SECISBP2L: variants seen among roughly 807,000 people sequenced by gnomAD.
SECISBP2L encodes selenocysteine insertion sequence-binding protein 2-like.
A neutral mutation model predicts 114.7 loss-of-function variants in SECISBP2L; 43 were observed. The observed-to-expected ratio is 0.38, with a 90% confidence interval of 0.29 to 0.48. SECISBP2L has a LOEUF of 0.48. SECISBP2L is among the 20% of genes least tolerant of loss of function. SECISBP2L has a pLI of 0.98. For synonymous variants in SECISBP2L, 451 were observed against 439.7 expected (o/e 1.03, Z -0.32); for missense variants, 1,136 against 1,301.1 (o/e 0.87, Z 1.95).
chr15:48,999,147 A>C (rs1487176084), intron 16 of SECISBP2L, among the ~76,000 whole-genome samples: 2 of 152,178 alleles, frequency 1.3e-5, no homozygotes, highest in Admixed American at 1.3e-4. Context: ...TGGACAGGGG[A>C]ATGTAGGATA....
chr15:49,024,782 TCAAA>T (rs1902708068), intron 7 of SECISBP2L, among the ~76,000 whole-genome samples: 1 of 152,060 alleles, frequency 6.6e-6, no homozygotes. Context: ...ATCTCAAAAA[TCAAA>T]CAAATCAAAA....
chr15:48,997,467 G>A (rs1595781368), intron 16 of SECISBP2L, among the ~76,000 whole-genome samples: 1 of 152,174 alleles, frequency 6.6e-6, no homozygotes, highest in East Asian at 1.9e-4. Context: ...ATAGAGCTTG[G>A]AAGTAGAATA....
intron 4 of SECISBP2L, 127 bp downstream of exon 4, chr15:49,032,838 A>G: frequency 8.1e-7 from 1 of 1,232,734 alleles, no homozygotes; most frequent in East Asian, 2.4e-5. Context: ...AGAATTTCAC[A>G]AAGTGGCAGG....
In SECISBP2L at chr15:49,017,564, T is replaced by C. The variant is rs1172811296; in HGVS notation, c.1235A>G (p.Lys412Arg). Residue 412 changes from lysine (K) to arginine (R), a missense_variant, in exon 9 of 18, where the codon AAA becomes AGA. Transcript: ENST00000559471. The stretch of plus-strand genomic sequence containing the variant: ...GTTACTTACTACTTTAGAAGAAAGT[T>C]TTTGTTGAATATTCTCATCCTTAGC... The part of the protein sequence containing the change: ...GNAKDENIQQ[K>R]LSSKVLDDLP... 6.2e-7 allele frequency: 1 copy of C among 1,603,784 alleles called. No homozygotes were observed. Among genetic ancestry groups the C allele is most frequent in the Admixed American group, 1.7e-5 (1 of 58,870 alleles).
chr15:49,017,659 G>T, intron 8 of SECISBP2L, 31 bp from the exon 9 acceptor site: 1 of 1,510,106 alleles, frequency 6.6e-7, no homozygotes, highest in Non-Finnish European at 9.1e-7. Flanking sequence ...AGTAAAAAGA[G>T]TTCAAGGCAA....
In SECISBP2L at chr15:49,011,718, G is replaced by A. The variant is rs779645067; in HGVS notation, c.1864+13C>T. On this transcript the variant is annotated intron_variant, in intron 13 of 17. Coordinates refer to ENST00000559471, the MANE Select transcript of SECISBP2L (RefSeq NM_001193489.2). Reference sequence around the variant, plus strand: ...CCATTCCATGAGAAGAGGAGAAAGGGGGAGCTCCTTACCTTCCTGGGAAAC... The same window carrying A: ...CCATTCCATGAGAAGAGGAGAAAGGAGGAGCTCCTTACCTTCCTGGGAAAC... The A allele has an allele frequency of 6.2e-7, 1 of 1,613,336 alleles. No homozygotes were observed. The highest frequency in any genetic ancestry group is 1.3e-5 in the African/African-American group (1 of 74,880).
intron 14 of SECISBP2L, among the ~76,000 whole-genome samples, chr15:49,006,392 C>A (rs558924846): frequency 1.3e-5 from 2 of 152,182 alleles, no homozygotes; most frequent in African/African-American, 4.8e-5. Context: ...ACCAATCTAA[C>A]GTAGGTTTGG....
chr15:49,024,632 A>C (rs1005248952), intron 7 of SECISBP2L, among the ~76,000 whole-genome samples: 12 of 152,162 alleles, frequency 7.9e-5, no homozygotes, highest in Non-Finnish European at 1.6e-4. Flanking sequence ...TCTCAGATAA[A>C]AATGCCCTGA....
rs756854560 is a variant in SECISBP2L, at chr15:49,012,616, T to TA, written c.1731+31dup. 3 of 1,602,526 alleles carry TA rather than the reference T, an allele frequency of 1.9e-6. No individual in the cohort carries two copies. In the African/African-American group the frequency reaches 4.1e-5, roughly 22 times the overall value. On this transcript the variant is annotated intron_variant, in intron 12 of 17. Transcript: ENST00000559471. The stretch of plus-strand genomic sequence containing the variant: ...CAGATTAAAATCCTTATTCATCCTA[T>TA]AAAATAAATATCCCACCAGATTTTG...
rs768300807 is a variant in SECISBP2L at position 49,016,664 on chromosome 15, G to A, written c.1457C>T (p.Thr486Ile). ...GTCCCCTAAATCTAGCTGCACAGGT[G>A]TTTTATTCTTTTTTCCAGCTGCTTT... ...LSKAAGKKNK[T>I]PVQLDLGDML... Residue 486 changes from threonine to isoleucine, a missense_variant, in exon 11 of 18, where the codon ACA (threonine) becomes ATA (isoleucine). By Grantham distance (89) the Thr-to-Ile change is moderately conservative (BLOSUM62 -1). Coordinates refer to ENST00000559471, the MANE Select transcript of SECISBP2L (RefSeq NM_001193489.2). 6.3e-7 allele frequency: 1 copy of A among 1,596,336 alleles called. No individual in the cohort carries two copies. The highest frequency in any genetic ancestry group is 8.5e-7 in the Non-Finnish European group (1 of 1,173,800).
chr15:49,043,608 GTTT>G (rs5812473), intron 1 of SECISBP2L, among the ~76,000 whole-genome samples: 1 of 143,810 alleles, frequency 7.0e-6, no homozygotes, highest in African/African-American at 2.6e-5. Context: ...CAAAATGCAA[GTTT>G]TTTTTTTTTT....
In SECISBP2L at chr15:48,990,880, G is replaced by C. The variant is rs572650298; in HGVS notation, c.*1364C>G. On this transcript the variant is annotated 3_prime_UTR_variant, in exon 18 of 18. Coordinates refer to ENST00000559471, the MANE Select transcript of SECISBP2L (RefSeq NM_001193489.2). Reference sequence around the variant, plus strand: ...GTGGGGGGGACAGTTGGGGGTGGTGGGGAGTTGGATGGAAGACAAAAAAAT... The same window carrying C: ...GTGGGGGGGACAGTTGGGGGTGGTGCGGAGTTGGATGGAAGACAAAAAAAT... The C allele has an allele frequency of 6.6e-6, 1 of 151,000 alleles. No homozygotes were observed. Among genetic ancestry groups the C allele is most frequent in the African/African-American group, 2.4e-5 (1 of 40,900 alleles). The allele number at this position is 151,000 out of a possible 1,614,324, so 9.4% of individuals were successfully genotyped here. A position where few individuals can be genotyped will look rare whatever the true frequency, so the allele number is the denominator to read the frequency against.
chr15:49,017,099 C>A lies in SECISBP2L; in HGVS notation c.1252-84G>T, dbSNP rs372326847. 9.4e-6 allele frequency: 13 copies of A among 1,376,544 alleles called. No homozygotes were observed. In the East Asian group the frequency reaches 1.2e-4, roughly 12 times the overall value. The allele number at this position is 1,376,544 out of a possible 1,614,324, so 85.3% of individuals were successfully genotyped here. ...AAAAGGATCCAGAATGTGGGATGTTCTGCAGTACAACCGGACTAGACTCTT... is the reference window on the plus strand; with the variant it reads ...AAAAGGATCCAGAATGTGGGATGTTATGCAGTACAACCGGACTAGACTCTT... On this transcript the variant is annotated intron_variant, in intron 9 of 17. Transcript: ENST00000559471.
chr15:49,005,039 C>A (rs763892447), intron 14 of SECISBP2L, among the ~76,000 whole-genome samples: 3 of 152,158 alleles, frequency 2.0e-5, no homozygotes, highest in Non-Finnish European at 2.9e-5. Context: ...GTTAAAGTCT[C>A]CCACTATTGG....
intron 1 of SECISBP2L, among the ~76,000 whole-genome samples, chr15:49,039,345 C>T (rs1277028729): frequency 6.6e-6 from 1 of 151,854 alleles, no homozygotes; most frequent in African/African-American, 2.4e-5. Context: ...ATATAGGACA[C>T]AATATATCAA....
intron 14 of SECISBP2L, among the ~76,000 whole-genome samples, chr15:49,003,447 T>C (rs1037078967): frequency 4.6e-5 from 7 of 152,330 alleles, no homozygotes; most frequent in South Asian, 2.1e-4. Flanking sequence ...TCTTGCCTGA[T>C]TGCCCTGGCC....
chr15:49,029,186 A>T (rs1902830793), intron 4 of SECISBP2L, among the ~76,000 whole-genome samples: 1 of 152,202 alleles, frequency 6.6e-6, no homozygotes, highest in Non-Finnish European at 1.5e-5. Flanking sequence ...TTATGAAAAT[A>T]GAATAAAATA....
At chr15:49,009,469 T>C in intron 13 of SECISBP2L, 91 bp from the exon 14 acceptor site, 1 of 1,303,874 alleles carries the variant, frequency 7.7e-7, no homozygotes, top group Non-Finnish European at 1.0e-6. Context: ...ATGGCCATTG[T>C]CTTTTGGGTC....
At position 49,034,669 on chromosome 15, in the gene SECISBP2L, G is replaced by GTTTTT. The variant is rs58267682; in HGVS notation, c.528+660_528+664dup. Among the ~76,000 whole-genome samples, 20 of 132,130 alleles carry GTTTTT rather than the reference G, an allele frequency of 1.5e-4. 4 individuals carry two copies. Among genetic ancestry groups the GTTTTT allele is most frequent in the African/African-American group, 2.3e-4 (8 of 35,212 alleles). The allele number at this position is 132,130 out of a possible 152,430, so 86.7% of individuals were successfully genotyped here. On this transcript the variant is annotated intron_variant, in intron 3 of 17. Coordinates refer to ENST00000559471, the MANE Select transcript of SECISBP2L (RefSeq NM_001193489.2). Reference sequence around the variant, plus strand: ...TTTGAAGATTGAAAGTATATCTTTTGTTTTTTTTTTTTTGAGACAGGGTGT... The same window carrying GTTTTT: ...TTTGAAGATTGAAAGTATATCTTTTGTTTTTTTTTTTTTTTTTTGAGACAGGGTGT...
Sources: allele counts gnomAD v4.1 joint callset (sites outside exome capture counted in the v4.1 genomes callset), GRCh38; gene constraint gnomAD v4.1.1; transcripts MANE v1.5; gene names NCBI Gene and HGNC (gene_info 2026-07-23, HGNC 2026-07-21).